GREP1: variants seen among roughly 807,000 people sequenced by gnomAD.
The protein encoded by GREP1 is glycine rich extracellular protein 1, also known as glycine-rich extracellular protein 1.
chr16:2,989,464 GGCACACCGGCTCCCAGCTGCTCCA>G lies in GREP1; in HGVS notation c.101-54_101-31del, dbSNP rs1567396267. On this transcript the variant is annotated intron_variant, in intron 2 of 34. Transcript: ENST00000573315. The surrounding 1 kb of genome is among the most constrained non-coding windows in gnomAD (Gnocchi z 4.2). ...TGGTGGCGGGGTGCTTGGGGAGGGTGGCACACCGGCTCCCAGCTGCTCCAGCACCCCGGGCTCAACATCTCACTT... is the reference window on the plus strand; with the variant it reads ...TGGTGGCGGGGTGCTTGGGGAGGGTGGCACCCCGGGCTCAACATCTCACTT... The G allele has an allele frequency of 2.5e-6, 1 of 399,210 alleles. No individual in the cohort carries two copies. Among genetic ancestry groups the G allele is most frequent in the Non-Finnish European group, 4.4e-6 (1 of 226,200 alleles). 24.7% of individuals were successfully genotyped at this position (399,210 alleles called of 1,614,324 possible). A position where few individuals can be genotyped will look rare whatever the true frequency, so the allele number is the denominator to read the frequency against.
rs1326653932 is a variant in GREP1 at position 2,988,875 on chromosome 16, A to C, written c.100+253A>C. ...CCTGGGCAGGCTGAGAAGGGTGGGCAGGTGTGACAGGAGGGGCGGACCCAC... is the reference window on the plus strand; with the variant it reads ...CCTGGGCAGGCTGAGAAGGGTGGGCCGGTGTGACAGGAGGGGCGGACCCAC... On this transcript the variant is annotated intron_variant, in intron 2 of 34. Coordinates refer to ENST00000573315, the Ensembl canonical transcript of GREP1. 5 of 385,322 alleles carry C rather than the reference A, an allele frequency of 1.3e-5. No individual in the cohort carries two copies. The Admixed American group carries it at 1.3e-4, about 10-fold the overall frequency. 23.9% of individuals were successfully genotyped at this position (385,322 alleles called of 1,614,324 possible). A position where few individuals can be genotyped will look rare whatever the true frequency, so the allele number is the denominator to read the frequency against.
At position 2,992,881 on chromosome 16, in the gene GREP1, G is replaced by A. The variant is rs2072406027; in HGVS notation, c.352+47G>A. 1 of 398,992 alleles carries A rather than the reference G, an allele frequency of 2.5e-6. No individual in the cohort carries two copies. The highest frequency in any genetic ancestry group is 1.3e-4 in the South Asian group (1 of 7,870). 24.7% of individuals were successfully genotyped at this position (398,992 alleles called of 1,614,324 possible). A position where few individuals can be genotyped will look rare whatever the true frequency, so the allele number is the denominator to read the frequency against. ...GCGGGGAGCCTGGGGCTGAGATTCT[G>A]GGCACAGGCCCAGAGGAAAGGATCC... On this transcript the variant is annotated intron_variant, in intron 9 of 34. Transcript: ENST00000573315. This position sits in a 1 kb window ranked among gnomAD's most constrained non-coding sequence, Gnocchi z 4.9.
chr16:2,998,792 G>T lies in GREP1; in HGVS notation c.1013-56G>T, dbSNP rs193023581. 3 of 398,968 alleles carry T rather than the reference G, an allele frequency of 7.5e-6. No homozygotes were observed. The East Asian group carries it at 1.1e-4, about 14-fold the overall frequency. The allele number at this position is 398,968 out of a possible 1,614,324, so 24.7% of individuals were successfully genotyped here. ...GCCAGGCCAAGGCCTCCTGGGTGGC[G>T]TCGGTGAGGACTGGCCTGGAGCATA... On this transcript the variant is annotated intron_variant, in intron 25 of 34. Coordinates refer to ENST00000573315, the Ensembl canonical transcript of GREP1.
chr16:2,989,335 G>A lies in GREP1; in HGVS notation c.101-188G>A. 1 of 396,928 alleles carries A rather than the reference G, an allele frequency of 2.5e-6. No individual in the cohort carries two copies. Among genetic ancestry groups the A allele is most frequent in the Non-Finnish European group, 4.4e-6 (1 of 225,386 alleles). 24.6% of individuals were successfully genotyped at this position (396,928 alleles called of 1,614,324 possible). A position where few individuals can be genotyped will look rare whatever the true frequency, so the allele number is the denominator to read the frequency against. On this transcript the variant is annotated intron_variant, in intron 2 of 34. Coordinates refer to ENST00000573315, the Ensembl canonical transcript of GREP1. This position sits in a 1 kb window ranked among gnomAD's most constrained non-coding sequence, Gnocchi z 4.2. ...AGGGAAACTGAGACCTGGAAAGGGA[G>A]GTGGCATCCAGATTTGGGCCCCTTT...
chr16:2,995,852 T>G, intron 17 of GREP1, 81 bp downstream of exon 17: 1 of 398,044 alleles, frequency 2.5e-6, no homozygotes, highest in Non-Finnish European at 4.4e-6. Flanking sequence ...TCCCTCCCTC[T>G]CCAGGATATG....
intron 4 of GREP1, 38 bp downstream of exon 4, chr16:2,990,044 T>C (rs758203466): frequency 2.5e-6 from 1 of 399,472 alleles, no homozygotes; most frequent in Non-Finnish European, 4.4e-6. Context: ...TGTCTCCCCC[T>C]CTTTCTCTCA....
intron 10 of GREP1, chr16:2,994,299 G>C (rs981494685): frequency 6.5e-6 from 1 of 154,692 alleles, no homozygotes; most frequent in African/African-American, 2.4e-5. Flanking sequence ...CTTGAGGTCA[G>C]GAGTTCAAAA....
chr16:2,990,706 C>A, intron 7 of GREP1, 119 bp downstream of exon 6: 1 of 398,508 alleles, frequency 2.5e-6, no homozygotes, highest in South Asian at 1.4e-4. Flanking sequence ...CTCCAGGCTC[C>A]CAGGCCTCAG....
At chr16:3,000,363 G>A (rs541332371) in intron 30 of GREP1, 3 of 399,220 alleles carry the variant, frequency 7.5e-6, no homozygotes, top group South Asian at 1.3e-4. Flanking sequence ...AGGTGCCTGG[G>A]GAGCAGGGGT....
rs1197020153 is a variant in GREP1, at chr16:2,991,265, G to A, written c.322+164G>A. Reference sequence around the variant, plus strand: ...GCCTGGGAGTGGGCGTGAAACCTCCGAAGCCAGGTGAGGCAGAGCCCTGCC... The same window carrying A: ...GCCTGGGAGTGGGCGTGAAACCTCCAAAGCCAGGTGAGGCAGAGCCCTGCC... On this transcript the variant is annotated intron_variant, in intron 8 of 34. Transcript: ENST00000573315. The surrounding 1 kb of genome is among the most constrained non-coding windows in gnomAD (Gnocchi z 4.9). 11 of 395,904 alleles carry A rather than the reference G, an allele frequency of 2.8e-5. No homozygotes were observed. The highest frequency in any genetic ancestry group is 4.4e-5 in the Admixed American group (1 of 22,658). 24.5% of individuals were successfully genotyped at this position (395,904 alleles called of 1,614,324 possible).
chr16:2,997,748 G>A, intron 22 of GREP1, 55 bp from the exon 21 acceptor site: 2 of 398,562 alleles, frequency 5.0e-6, no homozygotes, highest in Non-Finnish European at 8.8e-6. Context: ...AGGTCTGGAA[G>A]AGACCCCTCA....
At position 2,994,790 on chromosome 16, in the gene GREP1, CCT is replaced by C. The variant is rs1480268352; in HGVS notation, c.416-15_416-14del. 1.5e-5 allele frequency: 6 copies of C among 399,164 alleles called. No individual in the cohort carries two copies. Among genetic ancestry groups the C allele is most frequent in the African/African-American group, 1.0e-4 (5 of 48,736 alleles). The allele number at this position is 399,164 out of a possible 1,614,324, so 24.7% of individuals were successfully genotyped here. Reference sequence around the variant, plus strand: ...GGGGCCCCAGGTTCCTCACCTGCTCCCTGTCTCTCCACCAGGCTATGTGGGGG... The same window carrying C: ...GGGGCCCCAGGTTCCTCACCTGCTCCGTCTCTCCACCAGGCTATGTGGGGG... On this transcript the variant is annotated splice_polypyrimidine_tract_variant and intron_variant, in intron 11 of 34. Coordinates refer to ENST00000573315, the Ensembl canonical transcript of GREP1.
chr16:2,997,143 T>C (rs72770879), intron 21 of GREP1, 58 bp downstream of exon 20: 7,185 of 398,926 alleles, frequency 0.018, 110 homozygotes, highest in Middle Eastern at 0.05. Flanking sequence ...CCCTCCCTCA[T>C]TCATACCCCA....
chr16:2,989,911 C>T lies in GREP1; in HGVS notation c.131-63C>T, dbSNP rs1180581579. 5.0e-6 allele frequency: 2 copies of T among 398,790 alleles called. No homozygotes were observed. Among genetic ancestry groups the T allele is most frequent in the Non-Finnish European group, 8.8e-6 (2 of 226,062 alleles). 24.7% of individuals were successfully genotyped at this position (398,790 alleles called of 1,614,324 possible). Reference sequence around the variant, plus strand: ...GCCCACTGCTTGGATAGGCTGTGGGCCAGGTGTGGGGCTCTGGGGAGATCC... The same window carrying T: ...GCCCACTGCTTGGATAGGCTGTGGGTCAGGTGTGGGGCTCTGGGGAGATCC... On this transcript the variant is annotated intron_variant, in intron 3 of 34. Coordinates refer to ENST00000573315, the Ensembl canonical transcript of GREP1. This position sits in a 1 kb window ranked among gnomAD's most constrained non-coding sequence, Gnocchi z 4.2.
chr16:3,001,658 CG>C, exon 35 of GREP1: 1 of 399,128 alleles, frequency 2.5e-6, no homozygotes, highest in Non-Finnish European at 4.4e-6. Flanking sequence ...GCTGCCTGGC[CG>C]GGGGTCTCCT....
chr16:2,998,034 G>T (rs55893305), intron 23 of GREP1, among the ~76,000 whole-genome samples, 199 bp downstream of exon 21: 2 of 145,562 alleles, frequency 1.4e-5, no homozygotes, highest in Non-Finnish European at 3.0e-5. Context: ...AGGCTCCAAC[G>T]GACAGAGTTG....
At chr16:3,001,622 A>C in exon 35 of GREP1, 1 of 399,158 alleles carries the variant, frequency 2.5e-6, no homozygotes. Context: ...AGCAAGGAAG[A>C]CAGACCCTTG....
chr16:2,989,214 C>G lies in GREP1; in HGVS notation c.101-309C>G, dbSNP rs933599606. On this transcript the variant is annotated intron_variant, in intron 2 of 34. Coordinates refer to ENST00000573315, the Ensembl canonical transcript of GREP1. This position sits in a 1 kb window ranked among gnomAD's most constrained non-coding sequence, Gnocchi z 4.2. ...GCCCCACAGTCCCCCAGAGCCCTGG[C>G]TCAGACACCTTCCTCCAGGCCCAGG... 2.8e-6 allele frequency: 1 copy of G among 357,640 alleles called. No individual in the cohort carries two copies. The allele number at this position is 357,640 out of a possible 1,614,324, so 22.2% of individuals were successfully genotyped here. A position where few individuals can be genotyped will look rare whatever the true frequency, so the allele number is the denominator to read the frequency against.
intron 16 of GREP1, 22 bp from the exon 17 acceptor site, chr16:2,995,717 A>T: frequency 2.5e-6 from 1 of 398,674 alleles, no homozygotes; most frequent in Non-Finnish European, 4.4e-6. Flanking sequence ...GTCACTCACC[A>T]GCCCCCCTAT....
Sources: allele counts gnomAD v4.1 joint callset (sites outside exome capture counted in the v4.1 genomes callset), GRCh38; gene constraint gnomAD v4.1.1; non-coding constraint Gnocchi (gnomAD v3.1); transcripts MANE v1.5; gene names NCBI Gene and HGNC (gene_info 2026-07-23, HGNC 2026-07-21).